The following FKBP5 variants were observed in gnomAD, a reference collection of about 807,000 sequenced individuals.
The protein encoded by FKBP5 is peptidyl-prolyl cis-trans isomerase FKBP5.
Under a neutral mutation model 50.5 loss-of-function variants are expected in FKBP5, and 23 were observed. That is an observed-to-expected ratio of 0.46 (90% CI 0.33 to 0.65). FKBP5 has a LOEUF of 0.65. FKBP5 is among the 30% of genes least tolerant of loss of function. FKBP5 has a pLI of 0.02. For missense variants in FKBP5, 411 were observed against 553.1 expected, an observed-to-expected ratio of 0.74 and a Z score of 2.58; for synonymous variants, 176 against 190.6, an observed-to-expected ratio of 0.92 and a Z score of 0.63.
chr6:35,634,202 A>C (rs1764243776), intron 3 of FKBP5, among the ~76,000 whole-genome samples: 1 of 152,098 alleles, frequency 6.6e-6, no homozygotes, highest in Admixed American at 6.6e-5. Context: ...CTAAGGATAG[A>C]GTAAGGATTT....
At chr6:35,655,520 A>G (rs1764922622) in intron 1 of FKBP5, among the ~76,000 whole-genome samples, 1 of 152,236 alleles carries the variant, frequency 6.6e-6, no homozygotes, top group East Asian at 1.9e-4. Context: ...GTAACATATG[A>G]GAAAAGTCTA....
At chr6:35,590,319 T>G (rs1381316854) in intron 7 of FKBP5, among the ~76,000 whole-genome samples, 1 of 150,660 alleles carries the variant, frequency 6.6e-6, no homozygotes, top group Non-Finnish European at 1.5e-5. Flanking sequence ...AAAAGTTGAA[T>G]GTACAGAACG....
At chr6:35,642,494 A>C (rs1764520279) in intron 2 of FKBP5, among the ~76,000 whole-genome samples, 1 of 152,154 alleles carries the variant, frequency 6.6e-6, no homozygotes, top group South Asian at 2.1e-4. Flanking sequence ...TGAGATGGGA[A>C]GATCACTTGA....
chr6:35,698,967 C>A (rs1008250424), intron 2 of FKBP5, among the ~76,000 whole-genome samples: 3 of 152,222 alleles, frequency 2.0e-5, no homozygotes, highest in Non-Finnish European at 4.4e-5. Context: ...CTGGGGATTA[C>A]AATTCGACAT....
chr6:35,707,555 C>A lies in FKBP5; in HGVS notation c.-20+12773G>T, dbSNP rs11961024. On this transcript the variant is annotated intron_variant, in intron 2 of 11. Transcript: ENST00000536438. ...CTTTTGACCTAACTTGTTTTTTTAA[C>A]TTTTATTTTAGGTTCAGGGGTACAT... Among the ~76,000 whole-genome samples, 1,436 of 152,014 alleles carry A rather than the reference C, an allele frequency of 9.4e-3. 21 individuals carry two copies. Among genetic ancestry groups the A allele is most frequent in the African/African-American group, 0.031 (1,269 of 41,460 alleles).
At chr6:35,654,164 C>A (rs1267560394) in intron 1 of FKBP5, among the ~76,000 whole-genome samples, 3 of 152,270 alleles carry the variant, frequency 2.0e-5, no homozygotes, top group East Asian at 3.9e-4. Context: ...CAGCAAACAA[C>A]CACAGTTCCT....
chr6:35,705,016 C>T (rs1448844889), intron 2 of FKBP5, among the ~76,000 whole-genome samples: 1 of 150,656 alleles, frequency 6.6e-6, no homozygotes, highest in Non-Finnish European at 1.5e-5. Flanking sequence ...TGGCAGGTGC[C>T]TATAGTCCCA....
intron 1 of FKBP5, among the ~76,000 whole-genome samples, chr6:35,669,854 T>A (rs1044192879): frequency 6.6e-6 from 1 of 152,230 alleles, no homozygotes; most frequent in East Asian, 1.9e-4. Flanking sequence ...ACAATAACTA[T>A]AAAAGTCACC....
chr6:35,665,578 C>T (rs905314885), intron 1 of FKBP5, among the ~76,000 whole-genome samples: 1 of 152,076 alleles, frequency 6.6e-6, no homozygotes, highest in Non-Finnish European at 1.5e-5. Context: ...CATGAGCCAC[C>T]GTGCCTGGCC....
intron 5 of FKBP5, 28 bp downstream of exon 5, chr6:35,619,068 A>T (rs781686454): frequency 1.4e-6 from 2 of 1,474,792 alleles, no homozygotes; most frequent in Non-Finnish European, 1.9e-6. Flanking sequence ...ACTTTTAAGG[A>T]CTAGTTCCCT....
intron 1 of FKBP5, among the ~76,000 whole-genome samples, chr6:35,657,423 T>C (rs572640003): frequency 1.4e-3 from 220 of 152,292 alleles, no homozygotes; most frequent in African/African-American, 4.8e-3. Flanking sequence ...TGCCCACATT[T>C]CTTGGCTGGT....
In FKBP5 at chr6:35,711,487, G is replaced by A. The variant is rs1280575257; in HGVS notation, c.-20+8841C>T. On this transcript the variant is annotated intron_variant, in intron 2 of 11. Transcript: ENST00000536438. ...ACAAAAATTAGCTGGGCTTGGTGGC[G>A]GGTGCCTGTAATCCCAGCTACTCAG... Among the ~76,000 whole-genome samples, 7 of 151,718 alleles carry A rather than the reference G, an allele frequency of 4.6e-5. No individual in the cohort carries two copies. In the South Asian group the frequency reaches 6.3e-4, roughly 14 times the overall value.
chr6:35,586,756 A>C, intron 8 of FKBP5: 1 of 1,338,196 alleles, frequency 7.5e-7, no homozygotes, highest in South Asian at 1.9e-5. Flanking sequence ...TTTAGGAGTG[A>C]GTGATACTGT....
chr6:35,684,196 T>A (rs895873326), intron 1 of FKBP5, among the ~76,000 whole-genome samples: 4 of 151,480 alleles, frequency 2.6e-5, no homozygotes, highest in African/African-American at 7.3e-5. Context: ...TTTTTTTTTT[T>A]AAGGCAGGGT....
chr6:35,722,093 C>A (rs1461953223), intron 1 of FKBP5, among the ~76,000 whole-genome samples: 2 of 94,102 alleles, frequency 2.1e-5, no homozygotes, highest in Non-Finnish European at 4.7e-5. Context: ...ACTCAGCAGA[C>A]CCCCCATCAC....
chr6:35,724,421 A>G (rs921420542), intron 1 of FKBP5, among the ~76,000 whole-genome samples: 4 of 152,172 alleles, frequency 2.6e-5, no homozygotes, highest in Non-Finnish European at 5.9e-5. Flanking sequence ...TGGGCTAAAA[A>G]CAATTTTCTA....
intron 1 of FKBP5, among the ~76,000 whole-genome samples, chr6:35,669,645 C>T (rs1228567304): frequency 6.6e-6 from 1 of 152,150 alleles, no homozygotes; most frequent in Non-Finnish European, 1.5e-5. Context: ...TGGACATGAA[C>T]TTAATATGAC....
intron 2 of FKBP5, among the ~76,000 whole-genome samples, chr6:35,700,154 T>G (rs951482211): frequency 6.6e-6 from 1 of 152,130 alleles, no homozygotes; most frequent in Non-Finnish European, 1.5e-5. Context: ...GCCTGCCACT[T>G]CTTTTTTATT....
intron 1 of FKBP5, among the ~76,000 whole-genome samples, chr6:35,727,216 T>A (rs1022878092): frequency 2.6e-5 from 4 of 152,170 alleles, no homozygotes; most frequent in Non-Finnish European, 4.4e-5. Context: ...CAGGACCCAA[T>A]ACAGAGCCTT....
Sources: gnomAD v4.1 joint callset for allele counts (sites outside exome capture counted in the v4.1 genomes callset) on GRCh38, gnomAD v4.1.1 for gene constraint, MANE v1.5 for transcripts, NCBI Gene and HGNC (gene_info 2026-07-23, HGNC 2026-07-21) for gene names.